The following HS3ST3B1 variants were observed in gnomAD, a reference collection of about 807,000 sequenced individuals.
HS3ST3B1 encodes the protein heparan sulfate-glucosamine 3-sulfotransferase 3B1, also known as heparan sulfate glucosamine 3-O-sulfotransferase 3B1.
A neutral mutation model predicts 21.3 loss-of-function variants in HS3ST3B1; 13 were observed. The observed-to-expected ratio is 0.61, with a 90% confidence interval of 0.40 to 0.97. The LOEUF is 0.97. Ranked by LOEUF, HS3ST3B1 falls within the 50% of genes least tolerant of loss-of-function variation. The probability of loss-of-function intolerance (pLI) is 0.00; values close to 1 mark genes in which losing one functional copy is unlikely to be tolerated. For synonymous variants in HS3ST3B1, 234 were observed against 254.8 expected (o/e 0.92, Z 0.78); for missense variants, 459 against 554.8 (o/e 0.83, Z 1.73).
intron 1 of HS3ST3B1, among the ~76,000 whole-genome samples, chr17:14,329,706 A>C (rs1430917506): frequency 2.6e-5 from 4 of 152,208 alleles, no homozygotes; most frequent in Non-Finnish European, 5.9e-5. Context: ...CTACAGGGGC[A>C]CTAAGAAGGA....
At chr17:14,321,346 T>C (rs986496465) in intron 1 of HS3ST3B1, among the ~76,000 whole-genome samples, 3 of 152,248 alleles carry the variant, frequency 2.0e-5, no homozygotes, top group Non-Finnish European at 4.4e-5. Context: ...TTTATTAGCC[T>C]GTTTGTCTGC....
At chr17:14,319,865 G>A (rs1386240794) in intron 1 of HS3ST3B1, among the ~76,000 whole-genome samples, 2 of 151,900 alleles carry the variant, frequency 1.3e-5, no homozygotes, top group African/African-American at 2.4e-5. Context: ...CTGAGATTTC[G>A]ATGCACCCAT....
intron 1 of HS3ST3B1, among the ~76,000 whole-genome samples, chr17:14,333,611 G>A (rs1236462897): frequency 6.6e-6 from 1 of 152,046 alleles, no homozygotes; most frequent in Non-Finnish European, 1.5e-5. Context: ...AGGGGGCGGG[G>A]TAGGGTGTTG....
At chr17:14,333,319 T>G (rs1910079173) in intron 1 of HS3ST3B1, among the ~76,000 whole-genome samples, 1 of 151,774 alleles carries the variant, frequency 6.6e-6, no homozygotes, top group Non-Finnish European at 1.5e-5. Flanking sequence ...TACAAAAAAT[T>G]AGCCGAGCAT....
chr17:14,301,452 G>T lies in HS3ST3B1; in HGVS notation c.-67G>T, dbSNP rs898208739. The T allele has an allele frequency of 2.2e-6, 3 of 1,344,288 alleles. No individual in the cohort carries two copies. Among genetic ancestry groups the T allele is most frequent in the African/African-American group, 3.1e-5 (2 of 64,962 alleles). The allele number at this position is 1,344,288 out of a possible 1,614,324, so 83.3% of individuals were successfully genotyped here. A position where few individuals can be genotyped will look rare whatever the true frequency, so the allele number is the denominator to read the frequency against. The stretch of plus-strand genomic sequence containing the variant: ...CAGCGTGCCGGGGAACCCTCTCTGC[G>T]CTCACTGCCCGGCGGGACCCACGCC... On this transcript the variant is annotated 5_prime_UTR_variant, in exon 1 of 2. Transcript: ENST00000360954.
intron 1 of HS3ST3B1, among the ~76,000 whole-genome samples, chr17:14,330,180 G>A (rs1016914841): frequency 1.3e-5 from 2 of 152,128 alleles, no homozygotes; most frequent in Admixed American, 1.3e-4. Context: ...TCCTGGGGGT[G>A]GTCTGTACCA....
chr17:14,333,703 G>A lies in HS3ST3B1; in HGVS notation c.555-11325G>A, dbSNP rs74254561. 1.1e-3 allele frequency among the ~76,000 whole-genome samples: 166 copies of A among 152,094 alleles called. 4 individuals carry two copies. In the East Asian group the frequency reaches 0.027, roughly 24 times the overall value. ...TTACTAAGAGGAATCATCAGGGGTC[G>A]GGGGATTCTGGCTAAACCCACCTAG... On this transcript the variant is annotated intron_variant, in intron 1 of 1. Coordinates refer to ENST00000360954, the MANE Select transcript of HS3ST3B1 (RefSeq NM_006041.3).
intron 1 of HS3ST3B1, among the ~76,000 whole-genome samples, chr17:14,334,869 ACT>A (rs1910142414): frequency 6.6e-6 from 1 of 151,668 alleles, no homozygotes; most frequent in South Asian, 2.1e-4. Flanking sequence ...AAAAAACTGC[ACT>A]CTCTATTCCC....
intron 1 of HS3ST3B1, among the ~76,000 whole-genome samples, chr17:14,336,321 C>T (rs1442633208): frequency 6.6e-6 from 1 of 152,126 alleles, no homozygotes; most frequent in Non-Finnish European, 1.5e-5. Context: ...ACTTCAATTG[C>T]TGGGCTATAG....
At chr17:14,331,741 CA>C (rs1444014373) in intron 1 of HS3ST3B1, among the ~76,000 whole-genome samples, 1 of 152,160 alleles carries the variant, frequency 6.6e-6, no homozygotes, top group African/African-American at 2.4e-5. Flanking sequence ...TTTACAATTT[CA>C]GTTCAAATTA....
At chr17:14,310,471 C>A (rs1442864581) in intron 1 of HS3ST3B1, among the ~76,000 whole-genome samples, 1 of 152,198 alleles carries the variant, frequency 6.6e-6, no homozygotes, top group South Asian at 2.1e-4. Context: ...AAAGAGGCAA[C>A]CTTTTTCCTC....
intron 1 of HS3ST3B1, among the ~76,000 whole-genome samples, chr17:14,313,157 A>T (rs1378846275): frequency 9.4e-6 from 1 of 105,930 alleles, no homozygotes. Context: ...TTTAGTAGAG[A>T]CAGGGTTTCA....
intron 1 of HS3ST3B1, among the ~76,000 whole-genome samples, chr17:14,335,693 CA>C (rs577734801): frequency 1.9e-3 from 260 of 135,038 alleles, no homozygotes; most frequent in Middle Eastern, 3.9e-3. Context: ...GACTCTGTCT[CA>C]AAAAAAAAAA....
intron 1 of HS3ST3B1, among the ~76,000 whole-genome samples, chr17:14,313,356 GCCCTGCTAGTCACCACCCCTTA>G (rs530136513): frequency 9.8e-4 from 149 of 151,776 alleles, no homozygotes; most frequent in African/African-American, 3.5e-3. Context: ...GCAGCTGCTA[GCCCTGCTAGTCACCACCCCTTA>G]CCTGTGCCAA....
Position 14,301,329 on chromosome 17 carries a change from C to CGCCGCCGCTACAGCT in HS3ST3B1, c.-181_-167dup, listed in dbSNP as rs1299395240. 4 of 510,406 alleles carry CGCCGCCGCTACAGCT rather than the reference C, an allele frequency of 7.8e-6. No individual in the cohort carries two copies. Among genetic ancestry groups the CGCCGCCGCTACAGCT allele is most frequent in the Middle Eastern group, 5.1e-4 (1 of 1,958 alleles). The allele number at this position is 510,406 out of a possible 1,614,324, so 31.6% of individuals were successfully genotyped here. Reference sequence around the variant, plus strand: ...TCCTGCCGGGCAACATGTCAAGAGCCGCCGCCGCTACAGCTGCCGCCGCCA... The same window carrying CGCCGCCGCTACAGCT: ...TCCTGCCGGGCAACATGTCAAGAGCCGCCGCCGCTACAGCTGCCGCCGCTACAGCTGCCGCCGCCA... On this transcript the variant is annotated 5_prime_UTR_variant, in exon 1 of 2. Coordinates refer to ENST00000360954, the MANE Select transcript of HS3ST3B1 (RefSeq NM_006041.3).
At chr17:14,341,372 A>G (rs528584547) in intron 1 of HS3ST3B1, among the ~76,000 whole-genome samples, 22 of 152,274 alleles carry the variant, frequency 1.4e-4, no homozygotes. Flanking sequence ...AATGAGTGAC[A>G]AGTCCCCTGT....
chr17:14,324,170 G>C (rs1909740250), intron 1 of HS3ST3B1, among the ~76,000 whole-genome samples: 1 of 152,076 alleles, frequency 6.6e-6, no homozygotes, highest in South Asian at 2.1e-4. Context: ...TTTACACATG[G>C]AGACAGGACG....
chr17:14,323,894 C>G (rs1303278660), intron 1 of HS3ST3B1, among the ~76,000 whole-genome samples: 1 of 152,134 alleles, frequency 6.6e-6, no homozygotes, highest in Non-Finnish European at 1.5e-5. Context: ...GCTTAGTGCC[C>G]TATGTTCCCA....
intron 1 of HS3ST3B1, among the ~76,000 whole-genome samples, chr17:14,331,519 G>C (rs1430399754): frequency 6.6e-6 from 1 of 152,142 alleles, no homozygotes; most frequent in African/African-American, 2.4e-5. Flanking sequence ...GTGGGGGTTG[G>C]GGGCTGGGCG....
Sources: allele counts gnomAD v4.1 joint callset (sites outside exome capture counted in the v4.1 genomes callset), GRCh38; gene constraint gnomAD v4.1.1; transcripts MANE v1.5; gene names NCBI Gene and HGNC (gene_info 2026-07-23, HGNC 2026-07-21).